Variants in SPOPL observed in about 807,000 individuals in gnomAD.
SPOPL encodes the protein speckle-type POZ protein-like.
Under a neutral mutation model 53.8 loss-of-function variants are expected in SPOPL, and 23 were observed. That is an observed-to-expected ratio of 0.43 (90% confidence interval 0.31 to 0.61). The LOEUF is 0.61. Among genes scored for constraint, SPOPL ranks in the 20% least tolerant of loss-of-function variants. SPOPL has a pLI of 0.12. For synonymous variants in SPOPL, 164 were observed against 149.7 expected (o/e 1.10, Z -0.70); for missense variants, 442 against 466.9 (o/e 0.95, Z 0.49).
Position 138,501,788 on chromosome 2 carries a change from G to T in SPOPL, c.-392G>T. The T allele has an allele frequency of 6.4e-6, 1 of 156,702 alleles. No homozygotes were observed. The highest frequency in any genetic ancestry group is 1.7e-4 in the South Asian group (1 of 5,732). The allele number at this position is 156,702 out of a possible 1,614,324, so 9.7% of individuals were successfully genotyped here. A position where few individuals can be genotyped will look rare whatever the true frequency, so the allele number is the denominator to read the frequency against. On this transcript the variant is annotated 5_prime_UTR_variant, in exon 1 of 11. Coordinates refer to ENST00000280098, the MANE Select transcript of SPOPL (RefSeq NM_001001664.3). ...CGCGCGCACGCGCCCTCGCGGGCTG[G>T]AGCCGGGGCTGGAGTCGTAACTCGG...
Position 138,553,707 on chromosome 2 carries a change from A to G in SPOPL, c.480+1026A>G, listed in dbSNP as rs529152179. On this transcript the variant is annotated intron_variant, in intron 5 of 10. Coordinates refer to ENST00000280098, the MANE Select transcript of SPOPL (RefSeq NM_001001664.3). ...ACTATATAATTGCATCTTATTTTTT[A>G]CTTAGACAAGTTAAATGAACTGTAT... 2.6e-5 allele frequency among the ~76,000 whole-genome samples: 4 copies of G among 152,196 alleles called. No homozygotes were observed. The South Asian group carries it at 8.3e-4, about 32-fold the overall frequency.
chr2:138,535,257 A>G (rs1008082568), intron 1 of SPOPL, among the ~76,000 whole-genome samples: 2 of 152,248 alleles, frequency 1.3e-5, no homozygotes, highest in Admixed American at 1.3e-4. Flanking sequence ...CCATCAATGA[A>G]TGGATTATTA....
intron 1 of SPOPL, among the ~76,000 whole-genome samples, chr2:138,525,001 C>A (rs559519694): frequency 2.0e-5 from 3 of 152,218 alleles, no homozygotes; most frequent in Non-Finnish European, 4.4e-5. Flanking sequence ...GCCACTTCCA[C>A]ATTTTTGGGT....
At chr2:138,568,874 CA>C in intron 10 of SPOPL, 61 bp from the exon 11 acceptor site, 1 of 1,526,634 alleles carries the variant, frequency 6.6e-7, no homozygotes, top group Non-Finnish European at 8.9e-7. Context: ...AAGAAATTAA[CA>C]GTGCAATAGT....
chr2:138,503,719 C>T (rs890676545), intron 1 of SPOPL, among the ~76,000 whole-genome samples: 2 of 152,094 alleles, frequency 1.3e-5, no homozygotes, highest in Admixed American at 1.3e-4. Context: ...TGAGAATAAA[C>T]AAAGTGAAAG....
chr2:138,559,219 T>C lies in SPOPL; in HGVS notation c.658+20T>C. 1 of 1,612,188 alleles carries C rather than the reference T, an allele frequency of 6.2e-7. No homozygotes were observed. Among genetic ancestry groups the C allele is most frequent in the Non-Finnish European group, 8.5e-7 (1 of 1,179,168 alleles). ...TTGCAGGTACTTTCTAGTTATGGGG[T>C]AATATAGTACATTTAAAAAAATGCA... On this transcript the variant is annotated intron_variant, in intron 6 of 10. Transcript: ENST00000280098.
At chr2:138,519,511 T>C (rs979769250) in intron 1 of SPOPL, among the ~76,000 whole-genome samples, 2 of 152,138 alleles carry the variant, frequency 1.3e-5, no homozygotes, top group African/African-American at 2.4e-5. Flanking sequence ...AAGTAAATAC[T>C]TAACAGGTTT....
intron 1 of SPOPL, among the ~76,000 whole-genome samples, chr2:138,504,813 C>G (rs1022907780): frequency 6.6e-6 from 1 of 152,182 alleles, no homozygotes; most frequent in Non-Finnish European, 1.5e-5. Flanking sequence ...AGAAAAGCTC[C>G]TGTACAGAGA....
intron 1 of SPOPL, among the ~76,000 whole-genome samples, chr2:138,509,482 C>A (rs1032935901): frequency 6.6e-6 from 1 of 151,930 alleles, no homozygotes; most frequent in Admixed American, 6.6e-5. Context: ...AAAGAAAATA[C>A]CATTGTTTCC....
intron 1 of SPOPL, among the ~76,000 whole-genome samples, chr2:138,531,565 A>G (rs1203235773): frequency 1.3e-5 from 2 of 152,126 alleles, no homozygotes; most frequent in Middle Eastern, 3.2e-3. Context: ...AGACTCTTGC[A>G]CTGTGTCTCA....
chr2:138,518,775 G>C (rs975989165), intron 1 of SPOPL, among the ~76,000 whole-genome samples: 1 of 152,208 alleles, frequency 6.6e-6, no homozygotes, highest in African/African-American at 2.4e-5. Context: ...TTAATAGCTG[G>C]TGTATACCTG....
At chr2:138,539,431 T>C (rs1685013388) in intron 1 of SPOPL, among the ~76,000 whole-genome samples, 1 of 151,980 alleles carries the variant, frequency 6.6e-6, no homozygotes, top group African/African-American at 2.4e-5. Flanking sequence ...GACTTTTTAA[T>C]GATCGCCATT....
rs1685743159 is a variant in SPOPL at position 138,569,790 on chromosome 2, G to A, written c.*710G>A. The A allele has an allele frequency of 6.6e-6, 1 of 152,528 alleles. No individual in the cohort carries two copies. Among genetic ancestry groups the A allele is most frequent in the Non-Finnish European group, 1.5e-5 (1 of 68,014 alleles). 9.4% of individuals were successfully genotyped at this position (152,528 alleles called of 1,614,324 possible). On this transcript the variant is annotated 3_prime_UTR_variant, in exon 11 of 11. Coordinates refer to ENST00000280098, the MANE Select transcript of SPOPL (RefSeq NM_001001664.3). The stretch of plus-strand genomic sequence containing the variant: ...GGTTAAGATTTCATGAAGAAAGCAT[G>A]TATTGTGTGGAAGTAATTTTTTTTT...
intron 5 of SPOPL, among the ~76,000 whole-genome samples, chr2:138,556,497 T>C (rs181440484): frequency 1.1e-3 from 174 of 152,320 alleles, no homozygotes; most frequent in African/African-American, 3.8e-3. Flanking sequence ...AGAGCAGTGC[T>C]TGATATGAAC....
rs771055401 is a variant in SPOPL at position 138,536,152 on chromosome 2, T to C, written c.-60-14005T>C. Reference sequence around the variant, plus strand: ...GTAAGTTTAATCACAGTTTCTGTTATCTGTTTTTTTCCCCAGCATATGGGT... The same window carrying C: ...GTAAGTTTAATCACAGTTTCTGTTACCTGTTTTTTTCCCCAGCATATGGGT... On this transcript the variant is annotated intron_variant, in intron 1 of 10. Transcript: ENST00000280098. Among the ~76,000 whole-genome samples, 24 of 152,186 alleles carry C rather than the reference T, an allele frequency of 1.6e-4. 1 individual carries two copies. The highest frequency in any genetic ancestry group is 3.1e-4 in the Non-Finnish European group (21 of 68,030).
rs1685790435 is a variant in SPOPL at position 138,571,898 on chromosome 2, T to C, written c.*2818T>C. ...GTGTTGATATTTGGAGCACAAATAA[T>C]GAAGGTGCCATAATATGGCTTGCCA... On this transcript the variant is annotated 3_prime_UTR_variant, in exon 11 of 11. Coordinates refer to ENST00000280098, the MANE Select transcript of SPOPL (RefSeq NM_001001664.3). 6.6e-6 allele frequency: 1 copy of C among 152,626 alleles called. No homozygotes were observed. Among genetic ancestry groups the C allele is most frequent in the African/African-American group, 2.4e-5 (1 of 41,460 alleles). 9.5% of individuals were successfully genotyped at this position (152,626 alleles called of 1,614,324 possible).
intron 1 of SPOPL, among the ~76,000 whole-genome samples, chr2:138,504,526 C>G (rs1684172996): frequency 6.6e-6 from 1 of 152,168 alleles, no homozygotes; most frequent in Non-Finnish European, 1.5e-5. Flanking sequence ...CTACTCTATG[C>G]CTGGCACTGT....
chr2:138,551,097 A>G (rs2104892313), intron 4 of SPOPL, 43 bp downstream of exon 4: 1 of 1,600,256 alleles, frequency 6.2e-7, no homozygotes, highest in South Asian at 1.1e-5. Flanking sequence ...CTGTATAACT[A>G]CATATTATGA....
chr2:138,527,299 A>G (rs1312023987), intron 1 of SPOPL, among the ~76,000 whole-genome samples: 1 of 151,848 alleles, frequency 6.6e-6, no homozygotes, highest in Non-Finnish European at 1.5e-5. Context: ...CTCTTTATAT[A>G]TCTCCGTTGT....
Sources: allele counts gnomAD v4.1 joint callset (sites outside exome capture counted in the v4.1 genomes callset), GRCh38; gene constraint gnomAD v4.1.1; transcripts MANE v1.5; gene names NCBI Gene and HGNC (gene_info 2026-07-23, HGNC 2026-07-21).